The following RO60 variants were observed in gnomAD, a reference collection of about 807,000 sequenced individuals.
RO60 encodes RNA-binding protein RO60.
RO60 carries 20 observed loss-of-function variants against 55.3 expected under a neutral mutation model. The ratio of observed to expected loss-of-function variants is 0.36; its 90% confidence interval spans 0.25 to 0.53. The LOEUF is 0.53. Ranked by LOEUF, RO60 falls within the 20% of genes least tolerant of loss-of-function variation. The probability of loss-of-function intolerance (pLI) is 0.92; values close to 1 mark genes in which losing one functional copy is unlikely to be tolerated. For synonymous variants in RO60, 213 were observed against 213.6 expected, an observed-to-expected ratio of 1.00 and a Z score of 0.02; for missense variants, 558 against 646.6, an observed-to-expected ratio of 0.86 and a Z score of 1.49.
intron 1 of RO60, among the ~76,000 whole-genome samples, chr1:193,064,295 A>G (rs995318888): frequency 1.3e-5 from 2 of 152,216 alleles, no homozygotes; most frequent in Non-Finnish European, 2.9e-5. Context: ...TCCTCTAAAC[A>G]TATAGTTGGT....
chr1:193,084,804 G>A lies in RO60; in HGVS notation c.*73G>A. ...ACTAAAAATATACAGCTACTTCCCA[G>A]CTAATCTCCACCCAATGAATGATGA... On this transcript the variant is annotated 3_prime_UTR_variant, in exon 9 of 9. Transcript: ENST00000400968. 6 of 1,555,464 alleles carry A rather than the reference G, an allele frequency of 3.9e-6. No individual in the cohort carries two copies. The highest frequency in any genetic ancestry group is 5.2e-6 in the Non-Finnish European group (6 of 1,154,966).
At position 193,089,332 on chromosome 1, in the gene RO60, ACTAAATATTT is replaced by A. The variant is rs1460608304; in HGVS notation, c.*4603_*4612del. On this transcript the variant is annotated 3_prime_UTR_variant, in exon 9 of 9. Transcript: ENST00000400968. ...AGACCATTGTCAAAATCTTTGGTTT[ACTAAATATTT>A]CACTGAGCATATATAGAGATACGTT... 1 of 152,188 alleles carries A rather than the reference ACTAAATATTT, an allele frequency of 6.6e-6. No individual in the cohort carries two copies. Among genetic ancestry groups the A allele is most frequent in the Admixed American group, 6.5e-5 (1 of 15,278 alleles). The allele number at this position is 152,188 out of a possible 1,614,324, so 9.4% of individuals were successfully genotyped here.
chr1:193,082,439 C>T lies in RO60; in HGVS notation c.1318-123C>T, dbSNP rs1320359185. On this transcript the variant is annotated intron_variant, in intron 7 of 8. Coordinates refer to ENST00000400968, the MANE Select transcript of RO60 (RefSeq NM_001173524.2). ...AATTTTTGCATGACAAGTACAAAAC[C>T]GAAAATATATATGCAGGCTTTGGGA... The T allele has an allele frequency of 1.1e-5, 15 of 1,368,740 alleles. No homozygotes were observed. The East Asian group carries it at 2.6e-4, about 24-fold the overall frequency. 84.8% of individuals were successfully genotyped at this position (1,368,740 alleles called of 1,614,324 possible).
Position 193,075,876 on chromosome 1 carries a change from T to C in RO60, c.637T>C (p.Tyr213His), listed in dbSNP as rs749326890. The C allele has an allele frequency of 5.0e-6, 8 of 1,612,864 alleles. No individual in the cohort carries two copies. The African/African-American group carries it at 9.3e-5, about 19-fold the overall frequency. Residue 213 changes from tyrosine (Y) to histidine (H), a missense_variant, in exon 3 of 9, where the codon TAT becomes CAT. Physicochemically the swap from Tyr to His is moderately conservative, Grantham distance 83 (BLOSUM62 2). Coordinates refer to ENST00000400968, the MANE Select transcript of RO60 (RefSeq NM_001173524.2). ...TKGWKEVHEL[Y>H]KEKALSVETE... is the part of the protein sequence containing the mutation. ...GGGCTGGAAAGAAGTTCATGAATTG[T>C]ATAAAGAAAAAGCACTCTCTGTGGA... is the stretch of plus-strand genomic sequence containing the variant.
chr1:193,060,063 C>A, intron 1 of RO60: 1 of 1,318,872 alleles, frequency 7.6e-7, no homozygotes, highest in South Asian at 1.2e-5. Context: ...TCCCCACAGG[C>A]CGACGTCGAG....
At chr1:193,070,553 G>A (rs763338037) in intron 2 of RO60, 2 of 423,830 alleles carry the variant, frequency 4.7e-6, no homozygotes, top group South Asian at 3.4e-5. Flanking sequence ...TGCACCGGAA[G>A]TGAAACTTGA....
rs951302126 is a variant in RO60 at position 193,087,322 on chromosome 1, G to A, written c.*2591G>A. The A allele has an allele frequency of 1.3e-5, 2 of 151,980 alleles. No individual in the cohort carries two copies. The highest frequency in any genetic ancestry group is 1.5e-5 in the Non-Finnish European group (1 of 67,962). 9.4% of individuals were successfully genotyped at this position (151,980 alleles called of 1,614,324 possible). On this transcript the variant is annotated 3_prime_UTR_variant, in exon 9 of 9. Coordinates refer to ENST00000400968, the MANE Select transcript of RO60 (RefSeq NM_001173524.2). ...GGATTACTGTTAAATTAATATTTGGGAAAATACTGCTTTTAAAAACAATCC... is the reference window on the plus strand; with the variant it reads ...GGATTACTGTTAAATTAATATTTGGAAAAATACTGCTTTTAAAAACAATCC...
chr1:193,079,890 G>A (rs1048751284), intron 5 of RO60, among the ~76,000 whole-genome samples: 3 of 151,916 alleles, frequency 2.0e-5, no homozygotes, highest in African/African-American at 7.3e-5. Context: ...ACTTTGGGAG[G>A]CCGATAAGGG....
At chr1:193,082,130 A>G in intron 6 of RO60, 56 bp from the exon 7 acceptor site, 1 of 1,049,984 alleles carries the variant, frequency 9.5e-7, no homozygotes. Context: ...GATAAAATTC[A>G]AAATATTGTA....
chr1:193,077,753 A>G (rs533971842), intron 5 of RO60, among the ~76,000 whole-genome samples: 1 of 152,298 alleles, frequency 6.6e-6, no homozygotes, highest in East Asian at 1.9e-4. Flanking sequence ...AACTGCCCCC[A>G]TGATCCAGTC....
intron 1 of RO60, among the ~76,000 whole-genome samples, chr1:193,062,550 C>T (rs1047318549): frequency 2.6e-5 from 4 of 152,034 alleles, no homozygotes; most frequent in African/African-American, 9.7e-5. Context: ...TCATGAAGTT[C>T]ACTATTTTGA....
Position 193,085,062 on chromosome 1 carries a change from C to T in RO60, c.*331C>T, listed in dbSNP as rs1202492076. 1 of 1,511,590 alleles carries T rather than the reference C, an allele frequency of 6.6e-7. No homozygotes were observed. Among genetic ancestry groups the T allele is most frequent in the Non-Finnish European group, 8.8e-7 (1 of 1,134,966 alleles). The allele number at this position is 1,511,590 out of a possible 1,614,324, so 93.6% of individuals were successfully genotyped here. On this transcript the variant is annotated 3_prime_UTR_variant, in exon 9 of 9. Coordinates refer to ENST00000400968, the MANE Select transcript of RO60 (RefSeq NM_001173524.2). ...AGAGGTAAGAGCAAAAAGTGTAATT[C>T]CACATCATGTTACTTGAGAAGTGCT...
chr1:193,067,478 C>T (rs567816842), intron 1 of RO60, among the ~76,000 whole-genome samples: 59 of 152,140 alleles, frequency 3.9e-4, no homozygotes, highest in African/African-American at 1.4e-3. Context: ...AGCCACTGTG[C>T]CCGGCCCAAA....
At chr1:193,077,380 G>A (rs1673998268) in intron 5 of RO60, among the ~76,000 whole-genome samples, 1 of 152,176 alleles carries the variant, frequency 6.6e-6, no homozygotes, top group South Asian at 2.1e-4. Flanking sequence ...TCGGCTCATG[G>A]TTCCACAGGT....
intron 2 of RO60, among the ~76,000 whole-genome samples, chr1:193,075,559 A>G (rs1258066927): frequency 6.6e-6 from 1 of 152,098 alleles, no homozygotes; most frequent in Admixed American, 6.6e-5. Context: ...AAAGAAAAGA[A>G]AGAAAAGCCT....
At chr1:193,066,261 C>A (rs1256379036) in intron 1 of RO60, among the ~76,000 whole-genome samples, 1 of 152,204 alleles carries the variant, frequency 6.6e-6, no homozygotes, top group East Asian at 1.9e-4. Flanking sequence ...TTGAATCTTT[C>A]AATGTTAGCA....
chr1:193,070,101 G>A (rs938058795), intron 2 of RO60, among the ~76,000 whole-genome samples: 1 of 148,282 alleles, frequency 6.7e-6, no homozygotes, highest in African/African-American at 2.5e-5. Context: ...TTAAGATTAT[G>A]TATAGAAAAC....
At chr1:193,078,657 G>C (rs534007644) in intron 5 of RO60, among the ~76,000 whole-genome samples, 1 of 151,820 alleles carries the variant, frequency 6.6e-6, no homozygotes, top group African/African-American at 2.4e-5. Context: ...TAAAAGACAG[G>C]AGTAAATTTA....
At chr1:193,083,086 T>C (rs1192171394) in intron 8 of RO60, among the ~76,000 whole-genome samples, 2 of 152,206 alleles carry the variant, frequency 1.3e-5, no homozygotes, top group Non-Finnish European at 2.9e-5. Context: ...TTTCAAAAAA[T>C]GTTACTACAA....
Sources: allele counts gnomAD v4.1 joint callset (sites outside exome capture counted in the v4.1 genomes callset), GRCh38; gene constraint gnomAD v4.1.1; transcripts MANE v1.5; gene names NCBI Gene and HGNC (gene_info 2026-07-23, HGNC 2026-07-21).